Variants in PPFIBP2 observed in about 807,000 individuals in gnomAD.
PPFIBP2 encodes the protein liprin-beta-2.
In PPFIBP2, 118 loss-of-function variants were observed where a neutral mutation model predicts 118.3. The observed-to-expected ratio is 1.00, with a 90% CI of 0.86 to 1.16. PPFIBP2 has a LOEUF of 1.16. Among genes scored for constraint, PPFIBP2 ranks in the 50% most tolerant of loss-of-function variants. The probability of loss-of-function intolerance (pLI) is 0.00; values close to 1 mark genes in which losing one functional copy is unlikely to be tolerated. For synonymous variants in PPFIBP2, 414 were observed against 397.4 expected, an observed-to-expected ratio of 1.04 and a Z score of -0.50; for missense variants, 1,195 against 1,073.1, an observed-to-expected ratio of 1.11 and a Z score of -1.59.
chr11:7,665,284 T>C, the PPFIBP2 span: 3 of 1,190,498 alleles, frequency 2.5e-6, no homozygotes, highest in Admixed American at 8.9e-5. Flanking sequence ...CAAGGCACTT[T>C]TGAAAACATC....
chr11:7,540,815 A>G (rs563014289), intron 1 of PPFIBP2, among the ~76,000 whole-genome samples: 7 of 152,298 alleles, frequency 4.6e-5, no homozygotes, highest in African/African-American at 1.7e-4. Context: ...AGAATTAAGT[A>G]TGATTACCTG....
chr11:7,631,839 A>C (rs566585651), intron 11 of PPFIBP2, among the ~76,000 whole-genome samples: 1 of 152,284 alleles, frequency 6.6e-6, no homozygotes, highest in Admixed American at 6.5e-5. Context: ...GGATACCTCC[A>C]CGTGGTCACT....
chr11:7,666,166 G>A, the PPFIBP2 span: 1 of 600,238 alleles, frequency 1.7e-6, no homozygotes, highest in Non-Finnish European at 3.0e-6. Flanking sequence ...TGTGGAATGG[G>A]TGGGTGTTCA....
intron 23 of PPFIBP2, among the ~76,000 whole-genome samples, chr11:7,652,737 C>T (rs1220923065): frequency 1.3e-5 from 2 of 152,196 alleles, no homozygotes; most frequent in African/African-American, 4.8e-5. Context: ...AAGGAACTCC[C>T]AGTTCATCTA....
intron 3 of PPFIBP2, chr11:7,577,359 G>A (rs528166458): frequency 1.5e-4 from 52 of 338,032 alleles, no homozygotes; most frequent in Non-Finnish European, 5.9e-5. Context: ...GTGTTTGTTG[G>A]GGTGGTCGGG....
chr11:7,651,951 C>A, intron 23 of PPFIBP2, 107 bp downstream of exon 23: 1 of 1,102,532 alleles, frequency 9.1e-7, no homozygotes, highest in Non-Finnish European at 1.3e-6. Context: ...GCAGCCTGGA[C>A]AAAGAGGATC....
chr11:7,651,156 A>C (rs1466406723), intron 22 of PPFIBP2, 191 bp downstream of exon 22: 32 of 551,264 alleles, frequency 5.8e-5, no homozygotes, highest in Non-Finnish European at 9.3e-5. Flanking sequence ...TGGAAGCAAG[A>C]TGCCTTCTGG....
At chr11:7,592,393 A>G (rs759209227) in intron 3 of PPFIBP2, among the ~76,000 whole-genome samples, 24 of 151,970 alleles carry the variant, frequency 1.6e-4, no homozygotes, top group African/African-American at 2.4e-4. Flanking sequence ...TCTCTTTTCT[A>G]TAGTTTCTGG....
At chr11:7,524,923 A>C (rs1295710816) in intron 1 of PPFIBP2, among the ~76,000 whole-genome samples, 21 of 152,218 alleles carry the variant, frequency 1.4e-4, no homozygotes, top group Admixed American at 1.4e-3. Context: ...TCTTCCTGCG[A>C]CCAACCAGCC....
At chr11:7,665,400 T>A in the PPFIBP2 span, 1 of 1,599,042 alleles carries the variant, frequency 6.3e-7, no homozygotes, top group East Asian at 2.2e-5. Flanking sequence ...ATGTCCTGGG[T>A]ATAACCCAGC....
intron 6 of PPFIBP2, among the ~76,000 whole-genome samples, chr11:7,614,431 G>A (rs1263797360): frequency 1.3e-5 from 2 of 152,120 alleles, no homozygotes; most frequent in Admixed American, 1.3e-4. Flanking sequence ...TTTACACCAA[G>A]TATGTTTTTT....
intron 1 of PPFIBP2, among the ~76,000 whole-genome samples, chr11:7,542,962 G>A (rs901130604): frequency 6.6e-6 from 1 of 152,206 alleles, no homozygotes; most frequent in Admixed American, 6.5e-5. Flanking sequence ...GCTAAAAGAG[G>A]TTAAAAGACT....
Position 7,640,183 on chromosome 11 carries a change from C to G in PPFIBP2, c.1375+313C>G, listed in dbSNP as rs183887204. The stretch of plus-strand genomic sequence containing the variant: ...TCCTCTCGAACTCTTTCCTGTCCTT[C>G]CTAGCATTGTTTTCCCTCCTCTCAG... On this transcript the variant is annotated intron_variant, in intron 15 of 23. Transcript: ENST00000299492. Among the ~76,000 whole-genome samples, 198 of 152,196 alleles carry G rather than the reference C, an allele frequency of 1.3e-3. 2 individuals are homozygous for G. The highest frequency in any genetic ancestry group is 6.9e-4 in the Non-Finnish European group (47 of 67,990).
chr11:7,571,671 G>C (rs1007378933), intron 3 of PPFIBP2: 1 of 152,130 alleles, frequency 6.6e-6, no homozygotes, highest in Non-Finnish European at 1.5e-5. Flanking sequence ...TGTGTGAGCC[G>C]ATTTCCAGCA....
chr11:7,587,236 C>T (rs1168737514), intron 3 of PPFIBP2, among the ~76,000 whole-genome samples: 2 of 152,216 alleles, frequency 1.3e-5, no homozygotes, highest in Non-Finnish European at 2.9e-5. Context: ...CCCACACAGA[C>T]ACTCCCTGTG....
chr11:7,655,468 G>T (rs1246923663), downstream of PPFIBP2: 1 of 1,289,660 alleles, frequency 7.8e-7, no homozygotes, highest in African/African-American at 1.5e-5. Context: ...CGCAGATAGG[G>T]CTCCTCTCCC....
intron 1 of PPFIBP2, among the ~76,000 whole-genome samples, chr11:7,545,903 G>T (rs991283146): frequency 1.1e-4 from 17 of 152,184 alleles, no homozygotes; most frequent in Non-Finnish European, 2.5e-4. Flanking sequence ...CTACCTTGGG[G>T]AGGAGAGTGG....
chr11:7,657,652 C>T (rs1166906304), downstream of PPFIBP2, among the ~76,000 whole-genome samples: 2 of 152,184 alleles, frequency 1.3e-5, no homozygotes, highest in African/African-American at 4.8e-5. Flanking sequence ...TCCCTCCAGG[C>T]GTCTGCTCAG....
the PPFIBP2 span, chr11:7,666,217 C>T: frequency 1.7e-6 from 1 of 593,030 alleles, no homozygotes; most frequent in Non-Finnish European, 3.0e-6. Flanking sequence ...TTCAGTGCAG[C>T]GTGAGGTGCT....
Sources: allele counts gnomAD v4.1 joint callset (sites outside exome capture counted in the v4.1 genomes callset), GRCh38; gene constraint gnomAD v4.1.1; transcripts MANE v1.5; gene names NCBI Gene and HGNC (gene_info 2026-07-23, HGNC 2026-07-21).